NXNL2: variants seen among roughly 807,000 people sequenced by gnomAD.
The protein encoded by NXNL2 is nucleoredoxin-like protein 2.
In NXNL2, 7 loss-of-function variants were observed where a neutral mutation model predicts 11.1. That is an observed-to-expected ratio of 0.63 (90% CI 0.36 to 1.18). The LOEUF (loss-of-function observed/expected upper bound fraction) is 1.18, where lower values mean the gene tolerates loss of function less well. Among genes scored for constraint, NXNL2 ranks in the 50% most tolerant of loss-of-function variants. The probability of loss-of-function intolerance (pLI) is 0.02; values close to 1 mark genes in which losing one functional copy is unlikely to be tolerated. For missense variants in NXNL2, 233 were observed against 217.7 expected (o/e 1.07, Z -0.44); for synonymous variants, 109 against 101.8 (o/e 1.07, Z -0.42).
At position 88,535,278 on chromosome 9, in the gene NXNL2, TGGCCAA is replaced by T; in HGVS notation, c.-154_-149del. On this transcript the variant is annotated 5_prime_UTR_variant, in exon 1 of 2. Transcript: ENST00000375854. ...AATTGCTCCAGCCACAGGCGAGGCCTGGCCAAGGTGTGGGCGCATCTGGGGCAGGTC... is the reference window on the plus strand; with the variant it reads ...AATTGCTCCAGCCACAGGCGAGGCCTGGTGTGGGCGCATCTGGGGCAGGTC... The T allele has an allele frequency of 4.5e-6, 3 of 663,102 alleles. No individual in the cohort carries two copies. Among genetic ancestry groups the T allele is most frequent in the Non-Finnish European group, 7.4e-6 (3 of 404,056 alleles). The allele number at this position is 663,102 out of a possible 1,614,324, so 41.1% of individuals were successfully genotyped here.
chr9:88,544,600 G>C lies in NXNL2; in HGVS notation c.*53G>C. 2 of 1,462,968 alleles carry C rather than the reference G, an allele frequency of 1.4e-6. No homozygotes were observed. Among genetic ancestry groups the C allele is most frequent in the Non-Finnish European group, 9.1e-7 (1 of 1,103,024 alleles). 90.6% of individuals were successfully genotyped at this position (1,462,968 alleles called of 1,614,324 possible). Reference sequence around the variant, plus strand: ...CAGGTGCTGCTTCTCCAGCACCGACGCTGGGGCAAAGAGGAGCATGTTGGG... The same window carrying C: ...CAGGTGCTGCTTCTCCAGCACCGACCCTGGGGCAAAGAGGAGCATGTTGGG... On this transcript the variant is annotated 3_prime_UTR_variant, in exon 2 of 2. Transcript: ENST00000375854.
chr9:88,554,548 A>T (rs1380562775), intron 1 of NXNL2, among the ~76,000 whole-genome samples: 1 of 152,176 alleles, frequency 6.6e-6, no homozygotes, highest in East Asian at 1.9e-4. Flanking sequence ...CTGGAGAGGA[A>T]ATCTGGTGCC....
At chr9:88,569,224 C>A (rs1435695496) in intron 1 of NXNL2, among the ~76,000 whole-genome samples, 1 of 152,238 alleles carries the variant, frequency 6.6e-6, no homozygotes, top group African/African-American at 2.4e-5. Flanking sequence ...AGCCACCATG[C>A]CTGGCCCACT....
At chr9:88,540,537 A>G (rs1343658168) in intron 1 of NXNL2, among the ~76,000 whole-genome samples, 1 of 152,170 alleles carries the variant, frequency 6.6e-6, no homozygotes, top group Non-Finnish European at 1.5e-5. Context: ...TTTGACATGA[A>G]TTCACATCTG....
At chr9:88,541,493 T>C (rs190282126) in intron 1 of NXNL2, among the ~76,000 whole-genome samples, 12 of 152,294 alleles carry the variant, frequency 7.9e-5, no homozygotes, top group South Asian at 4.1e-4. Flanking sequence ...ACTCTTGGGC[T>C]CAAGTGATCC....
At position 88,539,972 on chromosome 9, in the gene NXNL2, C is replaced by T. The variant is rs569646756; in HGVS notation, c.302+4236C>T. On this transcript the variant is annotated intron_variant, in intron 1 of 1. Transcript: ENST00000375854. ...TGCTAGGATTACAGGCGTGAGCCACCGCACCTGGCCACACATTTTTGTTTT... is the reference window on the plus strand; with the variant it reads ...TGCTAGGATTACAGGCGTGAGCCACTGCACCTGGCCACACATTTTTGTTTT... Among the ~76,000 whole-genome samples the T allele has an allele frequency of 8.5e-5, 13 of 152,156 alleles. No homozygotes were observed. The South Asian group carries it at 1.0e-3, about 12-fold the overall frequency.
intron 2 of NXNL2, among the ~76,000 whole-genome samples, chr9:88,573,749 A>G (rs1830308569): frequency 6.6e-6 from 1 of 152,218 alleles, no homozygotes. Context: ...CCACTGCTGA[A>G]CTGTACACTA....
chr9:88,544,297 C>T, intron 1 of NXNL2, 82 bp from the exon 2 acceptor site: 2 of 1,304,192 alleles, frequency 1.5e-6, no homozygotes, highest in Non-Finnish European at 2.1e-6. Flanking sequence ...GTTGGCTGTA[C>T]CTCAGGCTGG....
chr9:88,574,870 GCA>G (rs1322818448), intron 2 of NXNL2, among the ~76,000 whole-genome samples: 1 of 152,176 alleles, frequency 6.6e-6, no homozygotes, highest in Non-Finnish European at 1.5e-5. Flanking sequence ...GGTGGTCTGA[GCA>G]CATGTGTTTG....
At chr9:88,566,767 C>T (rs569156584) in intron 1 of NXNL2, among the ~76,000 whole-genome samples, 1 of 152,288 alleles carries the variant, frequency 6.6e-6, no homozygotes, top group Admixed American at 6.5e-5. Context: ...TACTGAACTT[C>T]TTTCATCAAA....
chr9:88,568,452 C>T (rs1830210262), intron 1 of NXNL2, among the ~76,000 whole-genome samples: 2 of 152,220 alleles, frequency 1.3e-5, no homozygotes, highest in South Asian at 4.1e-4. Context: ...GAGAGGCAGG[C>T]TTGGTGCCAC....
chr9:88,583,635 G>A (rs1006487700), intron 1 of NXNL2, among the ~76,000 whole-genome samples: 1 of 152,208 alleles, frequency 6.6e-6, no homozygotes, highest in African/African-American at 2.4e-5. Flanking sequence ...GGTGGTGGTG[G>A]TTTATCATTG....
chr9:88,556,877 A>G (rs1331386516), intron 1 of NXNL2, among the ~76,000 whole-genome samples: 2 of 152,048 alleles, frequency 1.3e-5, no homozygotes, highest in Non-Finnish European at 1.5e-5. Flanking sequence ...GGAGGTCGAG[A>G]CCATCCTGGC....
intron 1 of NXNL2, among the ~76,000 whole-genome samples, chr9:88,551,865 A>G (rs751755175): frequency 6.6e-6 from 1 of 152,236 alleles, no homozygotes; most frequent in Non-Finnish European, 1.5e-5. Flanking sequence ...GGAGCTGGGT[A>G]GGATCATACC....
chr9:88,544,691 G>A lies in NXNL2; in HGVS notation c.*144G>A, dbSNP rs1829824505. 2.1e-6 allele frequency: 3 copies of A among 1,411,042 alleles called. No homozygotes were observed. Among genetic ancestry groups the A allele is most frequent in the Non-Finnish European group, 2.8e-6 (3 of 1,084,070 alleles). The allele number at this position is 1,411,042 out of a possible 1,614,324, so 87.4% of individuals were successfully genotyped here. A position where few individuals can be genotyped will look rare whatever the true frequency, so the allele number is the denominator to read the frequency against. On this transcript the variant is annotated 3_prime_UTR_variant, in exon 2 of 2. Coordinates refer to ENST00000375854, the MANE Select transcript of NXNL2 (RefSeq NM_001161625.2). ...AGAAGCACTAAGCTGTGGTCAAAAA[G>A]CAACTATTGCTCAGGAAATAATACA...
intron 1 of NXNL2, among the ~76,000 whole-genome samples, chr9:88,566,688 T>C (rs747284781): frequency 4.9e-4 from 75 of 152,230 alleles, no homozygotes; most frequent in Non-Finnish European, 9.6e-4. Flanking sequence ...TTTTTGTGTA[T>C]GGTGTAGACA....
At chr9:88,554,054 C>T (rs1829979935) in intron 1 of NXNL2, among the ~76,000 whole-genome samples, 1 of 152,102 alleles carries the variant, frequency 6.6e-6, no homozygotes, top group Non-Finnish European at 1.5e-5. Flanking sequence ...CAGGCCTGGG[C>T]TGACATGAAA....
intron 1 of NXNL2, among the ~76,000 whole-genome samples, chr9:88,540,229 G>A (rs1587840582): frequency 6.6e-6 from 1 of 151,916 alleles, no homozygotes; most frequent in Non-Finnish European, 1.5e-5. Context: ...CTACTCTGGA[G>A]GCTGAGGCAG....
chr9:88,557,504 C>T (rs990222585), intron 1 of NXNL2, among the ~76,000 whole-genome samples: 1 of 152,240 alleles, frequency 6.6e-6, no homozygotes, highest in Middle Eastern at 3.2e-3. Flanking sequence ...GCACAAACAA[C>T]TTTTGCTGTC....
Sources: gnomAD v4.1 joint callset for allele counts (sites outside exome capture counted in the v4.1 genomes callset) on GRCh38, gnomAD v4.1.1 for gene constraint, MANE v1.5 for transcripts, NCBI Gene and HGNC (gene_info 2026-07-23, HGNC 2026-07-21) for gene names.